Variants in ALDH1B1 observed in about 807,000 individuals in gnomAD.
ALDH1B1 encodes aldehyde dehydrogenase 1 family member B1, also known as aldehyde dehydrogenase family 1 member B1, mitochondrial.
ALDH1B1 carries 19 observed loss-of-function variants against 26.2 expected under a neutral mutation model. The observed-to-expected ratio is 0.72, with a 90% CI of 0.51 to 1.06. The LOEUF is 1.06. Ranked by LOEUF, ALDH1B1 falls within the 50% of genes least tolerant of loss-of-function variation. ALDH1B1 has a pLI of 0.00. For synonymous variants in ALDH1B1, 249 were observed against 286.0 expected (o/e 0.87, Z 1.31); for missense variants, 671 against 683.1 (o/e 0.98, Z 0.20).
Position 38,395,780 on chromosome 9 carries a change from GC to G in ALDH1B1, c.34del (p.Leu12SerfsTer19). The G allele has an allele frequency of 6.2e-7, 1 of 1,605,506 alleles. No homozygotes were observed. Reference protein sequence around the residue: MLRFLAPRLLSLQGRTARYSS... With the variant: MLRFLAPRLLXLQGRTARYSS... ...CGCTTCCTGGCACCCCGGCTGCTTA[GC>G]CTCCAGGGCAGGACCGCCCGCTACT... On this transcript the variant is annotated frameshift_variant, in exon 2 of 2. Transcript: ENST00000377698. LOFTEE classifies it high-confidence loss of function.
Position 38,396,342 on chromosome 9 carries a change from G to A in ALDH1B1, c.594G>A (p.Pro198=), listed in dbSNP as rs367927705. Residue 198 remains proline, a synonymous_variant, in exon 2 of 2, where the codon CCG becomes CCA. Transcript: ENST00000377698. ...PLVMQGWKLA[P]ALATGNTVVM... ...TCATGCAGGGTTGGAAACTTGCCCCGGCACTCGCCACAGGCAACACTGTGG... is the reference window on the plus strand; with the variant it reads ...TCATGCAGGGTTGGAAACTTGCCCCAGCACTCGCCACAGGCAACACTGTGG... 3.3e-5 allele frequency: 53 copies of A among 1,613,994 alleles called. No individual in the cohort carries two copies. In the East Asian group the frequency reaches 5.8e-4, roughly 18 times the overall value.
chr9:38,396,388 A>AC lies in ALDH1B1; in HGVS notation c.646dup (p.Leu216ProfsTer41), dbSNP rs759954510. On this transcript the variant is annotated frameshift_variant, in exon 2 of 2. Transcript: ENST00000377698. LOFTEE classifies it high-confidence loss of function. The stretch of plus-strand genomic sequence containing the variant: ...TGTGGTTATGAAGGTGGCAGAGCAG[A>AC]CCCCCCTCTCTGCCCTGTATTTGGC... 13 of 1,613,144 alleles carry AC rather than the reference A, an allele frequency of 8.1e-6. No individual in the cohort carries two copies. The East Asian group carries it at 1.6e-4, about 19-fold the overall frequency.
chr9:38,393,487 A>G (rs1225626044), intron 1 of ALDH1B1, among the ~76,000 whole-genome samples: 1 of 152,188 alleles, frequency 6.6e-6, no homozygotes, highest in African/African-American at 2.4e-5. Context: ...AGAACCCCAT[A>G]TAGGCCCCAA....
At chr9:38,395,702 C>T (rs769292678) in intron 1 of ALDH1B1, 38 bp from the exon 2 acceptor site, 72 of 1,529,404 alleles carry the variant, frequency 4.7e-5, no homozygotes, top group Non-Finnish European at 6.1e-6. Flanking sequence ...CCTGCCTTCT[C>T]CCACCTGTTC....
rs1402859308 is a variant in ALDH1B1, at chr9:38,392,717, G to A, written c.-100G>A. ...CGGGCTGCGCGGAGGCGGGACCTGCGGCCAGCCCTGGGCGGCCATGTGGAC... is the reference window on the plus strand; with the variant it reads ...CGGGCTGCGCGGAGGCGGGACCTGCAGCCAGCCCTGGGCGGCCATGTGGAC... On this transcript the variant is annotated 5_prime_UTR_variant, in exon 1 of 2. Transcript: ENST00000377698. 3 of 985,560 alleles carry A rather than the reference G, an allele frequency of 3.0e-6. No homozygotes were observed. The highest frequency in any genetic ancestry group is 2.4e-6 in the Non-Finnish European group (2 of 830,040). The allele number at this position is 985,560 out of a possible 1,614,324, so 61.1% of individuals were successfully genotyped here. A position where few individuals can be genotyped will look rare whatever the true frequency, so the allele number is the denominator to read the frequency against.
At chr9:38,393,787 A>T (rs1821229619) in intron 1 of ALDH1B1, among the ~76,000 whole-genome samples, 1 of 150,904 alleles carries the variant, frequency 6.6e-6, no homozygotes, top group Non-Finnish European at 1.5e-5. Context: ...AAATAATCTG[A>T]TCAATCTTTT....
chr9:38,392,712 C>T lies in ALDH1B1; in HGVS notation c.-105C>T. ...AGCCCCGGGCTGCGCGGAGGCGGGACCTGCGGCCAGCCCTGGGCGGCCATG... is the reference window on the plus strand; with the variant it reads ...AGCCCCGGGCTGCGCGGAGGCGGGATCTGCGGCCAGCCCTGGGCGGCCATG... On this transcript the variant is annotated 5_prime_UTR_variant, in exon 1 of 2. Coordinates refer to ENST00000377698, the MANE Select transcript of ALDH1B1 (RefSeq NM_000692.5). 2 of 985,588 alleles carry T rather than the reference C, an allele frequency of 2.0e-6. No homozygotes were observed. The highest frequency in any genetic ancestry group is 2.4e-6 in the Non-Finnish European group (2 of 830,060). 61.1% of individuals were successfully genotyped at this position (985,588 alleles called of 1,614,324 possible).
In ALDH1B1 at chr9:38,396,172, G is replaced by A. The variant is rs1250727035; in HGVS notation, c.424G>A (p.Val142Ile). The part of the protein sequence containing the change: ...QESYALDLDE[V>I]IKVYRYFAGW... Reference sequence around the variant, plus strand: ...GTCTTACGCCTTGGACTTGGATGAGGTCATCAAGGTGTATCGGTACTTTGC... The same window carrying A: ...GTCTTACGCCTTGGACTTGGATGAGATCATCAAGGTGTATCGGTACTTTGC... Residue 142 changes from valine to isoleucine, a missense_variant, in exon 2 of 2, where the codon GTC becomes ATC. By Grantham distance (29) the Val-to-Ile change is conservative. Coordinates refer to ENST00000377698, the MANE Select transcript of ALDH1B1 (RefSeq NM_000692.5). 2 of 1,614,188 alleles carry A rather than the reference G, an allele frequency of 1.2e-6. No individual in the cohort carries two copies. Among genetic ancestry groups the A allele is most frequent in the Non-Finnish European group, 1.7e-6 (2 of 1,180,048 alleles).
rs372362699 is a variant in ALDH1B1, at chr9:38,395,755, C to T, written c.7C>T (p.Arg3Cys). The change falls in exon 2 of 2, where the codon CGC becomes TGC. Residue 3 changes from arginine (R) to cysteine (C), a missense_variant. Arg to Cys is a radical substitution (Grantham distance 180). Transcript: ENST00000377698. ...CCCTCTCCAGAGTGTCAGCATGCTG[C>T]GCTTCCTGGCACCCCGGCTGCTTAG... The part of the protein sequence containing the change: ML[R>C]FLAPRLLSLQ... The T allele has an allele frequency of 1.1e-5, 18 of 1,588,858 alleles. No homozygotes were observed. The highest frequency in any genetic ancestry group is 5.1e-5 in the Admixed American group (3 of 58,260).
intron 1 of ALDH1B1, 128 bp from the exon 2 acceptor site, chr9:38,395,612 C>A: frequency 1.5e-6 from 2 of 1,317,592 alleles, no homozygotes; most frequent in Non-Finnish European, 2.0e-6. Context: ...ACAGCTCTTA[C>A]AGTCTGTGTT....
Position 38,396,456 on chromosome 9 carries a change from C to G in ALDH1B1, c.708C>G (p.Asn236Lys), listed in dbSNP as rs779188273. 10 of 1,613,980 alleles carry G rather than the reference C, an allele frequency of 6.2e-6. No individual in the cohort carries two copies. Among genetic ancestry groups the G allele is most frequent in the Non-Finnish European group, 8.5e-6 (10 of 1,180,010 alleles). Reference protein sequence around the residue: ...KEAGFPPGVVNIITGYGPTAG... With the variant: ...KEAGFPPGVVKIITGYGPTAG... ...CAGGCTTTCCCCCTGGGGTGGTGAA[C>G]ATCATCACGGGGTATGGCCCAACAG... Residue 236 changes from asparagine (N) to lysine (K), a missense_variant, in exon 2 of 2, where the codon AAC becomes AAG. By Grantham distance (94) the Asn-to-Lys change is moderately conservative. Transcript: ENST00000377698.
At position 38,396,068 on chromosome 9, in the gene ALDH1B1, G is replaced by T. The variant is rs2073478; in HGVS notation, c.320G>T (p.Arg107Leu). The stretch of plus-strand genomic sequence containing the variant: ...TCTGAGCGGGGCCGGCTGCTGAACC[G>T]CCTGGCAGACCTAGTGGAGCGGGAT... The part of the protein sequence containing the change: ...DASERGRLLN[R>L]LADLVERDRV... Residue 107 changes from arginine (R) to leucine (L), a missense_variant, in exon 2 of 2, where the codon CGC becomes CTC. Transcript: ENST00000377698. The T allele has an allele frequency of 0.56, 906,862 of 1,613,740 alleles. 262,050 individuals are homozygous for T. Among genetic ancestry groups the T allele is most frequent in the Non-Finnish European group, 0.6 (706,498 of 1,179,872 alleles).
chr9:38,397,438 A>C lies in ALDH1B1; in HGVS notation c.*136A>C. 3.3e-6 allele frequency: 4 copies of C among 1,218,028 alleles called. No homozygotes were observed. The highest frequency in any genetic ancestry group is 4.5e-6 in the Non-Finnish European group (4 of 890,284). The allele number at this position is 1,218,028 out of a possible 1,614,324, so 75.5% of individuals were successfully genotyped here. A position where few individuals can be genotyped will look rare whatever the true frequency, so the allele number is the denominator to read the frequency against. On this transcript the variant is annotated 3_prime_UTR_variant, in exon 2 of 2. Coordinates refer to ENST00000377698, the MANE Select transcript of ALDH1B1 (RefSeq NM_000692.5). ...ACTCTTAGAAGAAACCCCACAAATA[A>C]AGCAATTCAATCAAGGCTGTTCTAT...
chr9:38,396,771 G>A lies in ALDH1B1; in HGVS notation c.1023G>A (p.Glu341=). The A allele has an allele frequency of 1.2e-6, 2 of 1,614,238 alleles. No homozygotes were observed. Among genetic ancestry groups the A allele is most frequent in the Non-Finnish European group, 8.5e-7 (1 of 1,180,048 alleles). The change falls in exon 2 of 2, where the codon GAG becomes GAA. Residue 341 remains glutamate (E), a synonymous_variant. Coordinates refer to ENST00000377698, the MANE Select transcript of ALDH1B1 (RefSeq NM_000692.5). The part of the protein sequence containing the change: ...IYNEFLERTV[E]KAKQRKVGNP... ...ATGAGTTTCTCGAGAGAACCGTGGA[G>A]AAAGCAAAGCAGAGGAAAGTGGGGA...
At chr9:38,394,053 C>T (rs1462962113) in intron 1 of ALDH1B1, among the ~76,000 whole-genome samples, 1 of 152,138 alleles carries the variant, frequency 6.6e-6, no homozygotes, top group Non-Finnish European at 1.5e-5. Context: ...GATTGTACGA[C>T]CTGACCCCAG....
In ALDH1B1 at chr9:38,398,399, C is replaced by T. The variant is rs1821331219; in HGVS notation, c.*1097C>T. 1.3e-5 allele frequency: 2 copies of T among 152,548 alleles called. No homozygotes were observed. The highest frequency in any genetic ancestry group is 2.0e-4 in the East Asian group (1 of 5,044). 9.4% of individuals were successfully genotyped at this position (152,548 alleles called of 1,614,324 possible). A position where few individuals can be genotyped will look rare whatever the true frequency, so the allele number is the denominator to read the frequency against. On this transcript the variant is annotated 3_prime_UTR_variant, in exon 2 of 2. Transcript: ENST00000377698. ...GTGTGATCTCGTCTCACTGCAACCT[C>T]CGCCTCCCAGATTCAAGCGATTCTC...
rs772587415 is a variant in ALDH1B1, at chr9:38,396,873, G to C, written c.1125G>C (p.Gln375His). 26 of 1,614,122 alleles carry C rather than the reference G, an allele frequency of 1.6e-5. No homozygotes were observed. The East Asian group carries it at 3.1e-4, about 19-fold the overall frequency. The change falls in exon 2 of 2, where the codon CAG (glutamine) becomes CAC (histidine). Residue 375 changes from glutamine to histidine, a missense_variant. Gln to His is a conservative substitution (Grantham distance 24, BLOSUM62 0). Coordinates refer to ENST00000377698, the MANE Select transcript of ALDH1B1 (RefSeq NM_000692.5). ...TTGAACGAGTCCTAGGCTACATCCA[G>C]CTTGGCCAGAAGGAGGGCGCAAAAC... is the stretch of plus-strand genomic sequence containing the variant. ...EQFERVLGYI[Q>H]LGQKEGAKLL...
At position 38,394,913 on chromosome 9, in the gene ALDH1B1, T is replaced by C. The variant is rs144635494; in HGVS notation, c.-9-827T>C. ...ACACTCTTCAGAGTTGTAGCTTTTC[T>C]TCTCAGCTGCCTCCTGACTTGCTGC... On this transcript the variant is annotated intron_variant, in intron 1 of 1. Coordinates refer to ENST00000377698, the MANE Select transcript of ALDH1B1 (RefSeq NM_000692.5). Among the ~76,000 whole-genome samples, 14 of 152,366 alleles carry C rather than the reference T, an allele frequency of 9.2e-5. No homozygotes were observed. The East Asian group carries it at 2.7e-3, about 29-fold the overall frequency.
At chr9:38,393,999 C>T (rs1022957506) in intron 1 of ALDH1B1, among the ~76,000 whole-genome samples, 3 of 152,134 alleles carry the variant, frequency 2.0e-5, no homozygotes, top group Non-Finnish European at 4.4e-5. Flanking sequence ...CGTGCCCACT[C>T]TATCTAAAAT....
Sources: gnomAD v4.1 joint callset for allele counts (sites outside exome capture counted in the v4.1 genomes callset) on GRCh38, gnomAD v4.1.1 for gene constraint, MANE v1.5 for transcripts, NCBI Gene and HGNC (gene_info 2026-07-23, HGNC 2026-07-21) for gene names.